Variants in GNG7 observed in about 807,000 individuals in gnomAD.
GNG7 encodes the protein guanine nucleotide-binding protein G(I)/G(S)/G(O) subunit gamma-7.
In GNG7, 1 loss-of-function variant was observed where a neutral mutation model predicts 4.0. The observed-to-expected ratio is 0.25, with a 90% CI of 0.09 to 1.18. GNG7 has a LOEUF of 1.18. Ranked by LOEUF, GNG7 falls within the 50% of genes most tolerant of loss-of-function variation. The pLI is 0.50. For synonymous variants in GNG7, 34 were observed against 36.9 expected, an observed-to-expected ratio of 0.92 and a Z score of 0.29; for missense variants, 86 against 91.9, an observed-to-expected ratio of 0.94 and a Z score of 0.26.
intron 2 of GNG7, among the ~76,000 whole-genome samples, chr19:2,585,062 AGGAG>A (rs1268660135): frequency 1.3e-5 from 1 of 79,992 alleles, no homozygotes; most frequent in South Asian, 5.1e-4. Context: ...GAAGGAAGGA[AGGAG>A]GGAGGGAGGG....
At chr19:2,628,812 T>G (rs980833430) in intron 2 of GNG7, among the ~76,000 whole-genome samples, 2 of 152,166 alleles carry the variant, frequency 1.3e-5, no homozygotes, top group Non-Finnish European at 2.9e-5. Flanking sequence ...GTCTCCTTTT[T>G]GATGAGCTCA....
intron 1 of GNG7, among the ~76,000 whole-genome samples, chr19:2,662,795 T>C (rs929436618): frequency 1.3e-5 from 2 of 152,014 alleles, no homozygotes; most frequent in African/African-American, 4.8e-5. Context: ...CTTCAGCCCT[T>C]CTCCCCTCCC....
chr19:2,626,987 G>A lies in GNG7; in HGVS notation c.-78+19237C>T, dbSNP rs773087529. Among the ~76,000 whole-genome samples, 3 of 152,112 alleles carry A rather than the reference G, an allele frequency of 2.0e-5. No homozygotes were observed. The highest frequency in any genetic ancestry group is 2.9e-5 in the Non-Finnish European group (2 of 68,018). ...TCCTCCCTACTCACACCAGACACTG[G>A]AATAAACTCCAGATGGAGCAGACGG... On this transcript the variant is annotated intron_variant, in intron 2 of 4. Transcript: ENST00000382159. The surrounding 1 kb of genome is among the most constrained non-coding windows in gnomAD (Gnocchi z 5.0).
intron 1 of GNG7, among the ~76,000 whole-genome samples, chr19:2,665,710 G>A (rs1378299571): frequency 6.6e-6 from 1 of 152,060 alleles, no homozygotes; most frequent in African/African-American, 2.4e-5. Context: ...TCTGTAGAAT[G>A]CACATCGAAG....
At chr19:2,651,521 TTC>T (rs1387001107) in intron 1 of GNG7, among the ~76,000 whole-genome samples, 1 of 147,346 alleles carries the variant, frequency 6.8e-6, no homozygotes, top group East Asian at 2.0e-4. Context: ...CTCTCTTTCC[TTC>T]TTTCTTCTTT....
chr19:2,513,716 CTTCAGAGTCACTCCAAGATCA>C lies in GNG7; in HGVS notation c.*1285_*1305del, dbSNP rs775595218. The C allele has an allele frequency of 1.7e-5, 4 of 229,436 alleles. No homozygotes were observed. The highest frequency in any genetic ancestry group is 2.9e-5 in the Non-Finnish European group (4 of 138,712). 14.2% of individuals were successfully genotyped at this position (229,436 alleles called of 1,614,324 possible). A position where few individuals can be genotyped will look rare whatever the true frequency, so the allele number is the denominator to read the frequency against. ...GGACAACGTCTCACCTCCCAGAGTC[CTTCAGAGTCACTCCAAGATCA>C]TGGAACAATTTTGTACACACAGCAG... On this transcript the variant is annotated 3_prime_UTR_variant, in exon 5 of 5. Coordinates refer to ENST00000382159, the MANE Select transcript of GNG7 (RefSeq NM_052847.3).
At chr19:2,623,835 CGCACCGCT>C (rs1265447071) in intron 2 of GNG7, among the ~76,000 whole-genome samples, 5 of 151,866 alleles carry the variant, frequency 3.3e-5, no homozygotes, top group Non-Finnish European at 1.5e-5. Flanking sequence ...GAGCCGAGGT[CGCACCGCT>C]GCACTCCAGC....
intron 1 of GNG7, among the ~76,000 whole-genome samples, chr19:2,687,847 C>T (rs1424022620): frequency 1.3e-5 from 2 of 151,358 alleles, no homozygotes; most frequent in African/African-American, 4.9e-5. Context: ...AGGTGGCACG[C>T]ACCTGTAATC....
At chr19:2,579,699 C>T (rs564661485) in intron 2 of GNG7, among the ~76,000 whole-genome samples, 2 of 152,290 alleles carry the variant, frequency 1.3e-5, no homozygotes, top group East Asian at 3.9e-4. Flanking sequence ...GAGCAGGGGA[C>T]GCACCCCCAC....
At chr19:2,598,000 G>C (rs932306247) in intron 2 of GNG7, among the ~76,000 whole-genome samples, 1 of 152,096 alleles carries the variant, frequency 6.6e-6, no homozygotes, top group African/African-American at 2.4e-5. Flanking sequence ...ATGTGAGTGT[G>C]CATGTGTAGG....
intron 2 of GNG7, among the ~76,000 whole-genome samples, chr19:2,606,320 C>T (rs531316635): frequency 2.0e-3 from 310 of 151,972 alleles, no homozygotes; most frequent in African/African-American, 7.0e-3. Flanking sequence ...TACAGTGAGC[C>T]GAGATTGCAC....
At chr19:2,553,671 T>C (rs890418535) in intron 3 of GNG7, among the ~76,000 whole-genome samples, 2 of 144,026 alleles carry the variant, frequency 1.4e-5, no homozygotes, top group African/African-American at 5.2e-5. Context: ...ACACGTTACA[T>C]GTAATATGTT....
In GNG7 at chr19:2,586,364, T is replaced by C. The variant is rs569323895; in HGVS notation, c.-77-31176A>G. ...CTAGAGTGACTTTCACACTCCCTGA[T>C]GAGTTTCCCATTCCGCTCAGCAGGC... On this transcript the variant is annotated intron_variant, in intron 2 of 4. Transcript: ENST00000382159. 8.4e-4 allele frequency among the ~76,000 whole-genome samples: 128 copies of C among 152,296 alleles called. 1 individual carries two copies. In the South Asian group the frequency reaches 0.026, roughly 31 times the overall value.
chr19:2,647,336 G>T (rs970977574), intron 1 of GNG7, among the ~76,000 whole-genome samples: 22 of 152,164 alleles, frequency 1.4e-4, no homozygotes, highest in African/African-American at 5.3e-4. Flanking sequence ...GGGATGTGGC[G>T]TGTCCCGCGT....
At chr19:2,632,334 C>T (rs1982180161) in intron 2 of GNG7, among the ~76,000 whole-genome samples, 1 of 151,012 alleles carries the variant, frequency 6.6e-6, no homozygotes, top group Non-Finnish European at 1.5e-5. Context: ...GAGGCTGAGG[C>T]AGGAGAATTG....
intron 2 of GNG7, among the ~76,000 whole-genome samples, chr19:2,637,927 T>G (rs931583097): frequency 6.6e-6 from 1 of 152,120 alleles, no homozygotes; most frequent in South Asian, 2.1e-4. Flanking sequence ...CCCAGGAGGC[T>G]GCACACATTG....
intron 2 of GNG7, among the ~76,000 whole-genome samples, chr19:2,631,413 G>C (rs1284326896): frequency 2.0e-5 from 3 of 152,234 alleles, no homozygotes; most frequent in African/African-American, 7.2e-5. Flanking sequence ...AAGGCCTCTA[G>C]GCTGAGGGTC....
At chr19:2,570,958 T>C (rs12981905) in intron 2 of GNG7, among the ~76,000 whole-genome samples, 67,850 of 151,210 alleles carry the variant, frequency 0.45, 18,702 homozygotes, top group African/African-American at 0.79. Context: ...CCACCACGCC[T>C]GGCTAATGTT....
Position 2,529,378 on chromosome 19 carries a change from C to T in GNG7, c.-37-8653G>A, listed in dbSNP as rs368496404. ...GATTACAAGCATGCGCCACCACGCCCGGCTAATTTTTGTATTTTTAGTGGA... is the reference window on the plus strand; with the variant it reads ...GATTACAAGCATGCGCCACCACGCCTGGCTAATTTTTGTATTTTTAGTGGA... On this transcript the variant is annotated intron_variant, in intron 3 of 4. Coordinates refer to ENST00000382159, the MANE Select transcript of GNG7 (RefSeq NM_052847.3). Among the ~76,000 whole-genome samples, 227 of 152,252 alleles carry T rather than the reference C, an allele frequency of 1.5e-3. 1 individual carries two copies. The highest frequency in any genetic ancestry group is 4.8e-3 in the African/African-American group (199 of 41,550).
Sources: gnomAD v4.1 joint callset for allele counts (sites outside exome capture counted in the v4.1 genomes callset) on GRCh38, gnomAD v4.1.1 for gene constraint, Gnocchi (gnomAD v3.1) non-coding constraint, MANE v1.5 for transcripts, NCBI Gene and HGNC (gene_info 2026-07-23, HGNC 2026-07-21) for gene names.